The following DGKB variants were observed in gnomAD, a reference collection of about 807,000 sequenced individuals.
DGKB encodes diacylglycerol kinase beta.
In DGKB, 67 loss-of-function variants were observed where a neutral mutation model predicts 114.3. That is an observed-to-expected ratio of 0.59 (90% confidence interval 0.48 to 0.72). The LOEUF (loss-of-function observed/expected upper bound fraction) is 0.72. Among genes scored for constraint, DGKB ranks in the 30% least tolerant of loss-of-function variants. The pLI is 0.00. For missense variants in DGKB, 907 were observed against 975.2 expected (o/e 0.93, Z 0.93); for synonymous variants, 398 against 323.1 (o/e 1.23, Z -2.49).
chr7:14,465,953 G>A lies in DGKB; in HGVS notation c.1835+12208C>T, dbSNP rs118122027. Among the ~76,000 whole-genome samples, 293 of 151,954 alleles carry A rather than the reference G, an allele frequency of 1.9e-3. 8 individuals carry two copies. In the East Asian group the frequency reaches 0.05, roughly 26 times the overall value. ...GACTTTCTGTGATGCATTATCCATC[G>A]GATTTGCATGAGTTGGAAGTAGACG... On this transcript the variant is annotated intron_variant, in intron 21 of 25. Coordinates refer to ENST00000402815, the MANE Select transcript of DGKB (RefSeq NM_001350709.2).
At chr7:14,654,968 A>G (rs1428931590) in intron 13 of DGKB, among the ~76,000 whole-genome samples, 1 of 151,904 alleles carries the variant, frequency 6.6e-6, no homozygotes, top group African/African-American at 2.4e-5. Flanking sequence ...CTCTGGTCTG[A>G]GCAAAGATTT....
At chr7:14,399,975 G>T (rs1282450791) in intron 21 of DGKB, among the ~76,000 whole-genome samples, 8 of 151,788 alleles carry the variant, frequency 5.3e-5, no homozygotes. Context: ...CATAAATTTT[G>T]ACGATAAGAA....
At chr7:14,163,866 G>A (rs1455383847) in intron 25 of DGKB, among the ~76,000 whole-genome samples, 2 of 151,984 alleles carry the variant, frequency 1.3e-5, no homozygotes, top group Non-Finnish European at 2.9e-5. Flanking sequence ...GCGGCGGCAG[G>A]TGCCTGTAAT....
At chr7:14,239,700 G>C (rs1395905527) in intron 23 of DGKB, among the ~76,000 whole-genome samples, 2 of 151,992 alleles carry the variant, frequency 1.3e-5, no homozygotes, top group Non-Finnish European at 2.9e-5. Context: ...CTTGATACCT[G>C]GTGTGGGTCA....
intron 2 of DGKB, among the ~76,000 whole-genome samples, chr7:14,783,990 G>C (rs901308881): frequency 1.3e-5 from 2 of 152,156 alleles, no homozygotes; most frequent in Non-Finnish European, 2.9e-5. Flanking sequence ...GGTTTACAAA[G>C]AATTACAAGA....
In DGKB at chr7:14,769,276, A is replaced by AAGAAAG. The variant is rs1230676932; in HGVS notation, c.71-11551_71-11546dup. ...AAAGAAAGAAAGAAAGAAAGAAAGA[A>AAGAAAG]AGAAAGATTTTGTAAAGGAGTTTAG... On this transcript the variant is annotated intron_variant, in intron 2 of 25. Transcript: ENST00000402815. Among the ~76,000 whole-genome samples, 43 of 74,300 alleles carry AAGAAAG rather than the reference A, an allele frequency of 5.8e-4. 2 individuals are homozygous for AAGAAAG. Among genetic ancestry groups the AAGAAAG allele is most frequent in the African/African-American group, 4.9e-3 (39 of 7,918 alleles). 48.7% of individuals were successfully genotyped at this position (74,300 alleles called of 152,430 possible). A position where few individuals can be genotyped will look rare whatever the true frequency, so the allele number is the denominator to read the frequency against.
chr7:14,358,275 G>C (rs1004697121), intron 21 of DGKB, among the ~76,000 whole-genome samples: 2 of 152,128 alleles, frequency 1.3e-5, no homozygotes, highest in Non-Finnish European at 1.5e-5. Context: ...ATATTTCTTG[G>C]AGGCTTTGTT....
chr7:14,927,320 T>C (rs1011961129), intron 1 of DGKB, among the ~76,000 whole-genome samples: 4 of 152,072 alleles, frequency 2.6e-5, no homozygotes, highest in African/African-American at 9.7e-5. Flanking sequence ...ATTAATTTTA[T>C]TTCCAGTTCA....
At chr7:14,506,868 G>C (rs769852490) in intron 20 of DGKB, among the ~76,000 whole-genome samples, 2 of 152,180 alleles carry the variant, frequency 1.3e-5, no homozygotes, top group African/African-American at 4.8e-5. Flanking sequence ...GCTCTGGCCA[G>C]TGGATTGTAA....
intron 23 of DGKB, among the ~76,000 whole-genome samples, chr7:14,206,568 A>G (rs1786854597): frequency 6.6e-6 from 1 of 152,052 alleles, no homozygotes; most frequent in South Asian, 2.1e-4. Context: ...ATCATGTTAA[A>G]GAGTTTGAAC....
chr7:14,831,424 G>T (rs532572248), intron 2 of DGKB, among the ~76,000 whole-genome samples: 2 of 151,900 alleles, frequency 1.3e-5, no homozygotes, highest in East Asian at 3.9e-4. Flanking sequence ...TTTTGTAGTG[G>T]ACAACCTTGG....
At chr7:14,181,380 C>T (rs1782615637) in intron 23 of DGKB, among the ~76,000 whole-genome samples, 1 of 152,120 alleles carries the variant, frequency 6.6e-6, no homozygotes, top group East Asian at 1.9e-4. Context: ...CATAATGTTC[C>T]AGCATTAATT....
intron 22 of DGKB, among the ~76,000 whole-genome samples, chr7:14,341,463 T>C (rs1419207292): frequency 6.6e-6 from 1 of 151,824 alleles, no homozygotes; most frequent in African/African-American, 2.4e-5. Context: ...TTTATGACTT[T>C]TAAAAAGGTA....
chr7:14,193,722 T>C (rs1784628399), intron 23 of DGKB, among the ~76,000 whole-genome samples: 1 of 152,050 alleles, frequency 6.6e-6, no homozygotes, highest in African/African-American at 2.4e-5. Context: ...AAAAAGCTTT[T>C]GAAGAGGAAA....
At chr7:14,665,782 T>A (rs1817919194) in intron 13 of DGKB, among the ~76,000 whole-genome samples, 1 of 152,024 alleles carries the variant, frequency 6.6e-6, no homozygotes, top group African/African-American at 2.4e-5. Flanking sequence ...AAAGAGCCAC[T>A]TTACCTCATC....
intron 4 of DGKB, among the ~76,000 whole-genome samples, chr7:14,747,661 G>A (rs1470531633): frequency 1.3e-5 from 2 of 152,006 alleles, no homozygotes; most frequent in Non-Finnish European, 2.9e-5. Flanking sequence ...CCTTTAAATA[G>A]AATGAGATCA....
intron 1 of DGKB, among the ~76,000 whole-genome samples, chr7:14,850,168 G>A (rs1439388293): frequency 6.6e-6 from 1 of 152,192 alleles, no homozygotes; most frequent in Non-Finnish European, 1.5e-5. Context: ...GTGGCCACTG[G>A]TGACTTTAGC....
Position 14,277,180 on chromosome 7 carries a change from A to ATT in DGKB, c.2122+61333_2122+61334dup, listed in dbSNP as rs55786502. Among the ~76,000 whole-genome samples the ATT allele has an allele frequency of 8.6e-5, 13 of 151,210 alleles. No individual in the cohort carries two copies. The South Asian group carries it at 1.5e-3, about 17-fold the overall frequency. ...CTTTTAAATTTTCTTAGTTTATTTT[A>ATT]TTTTTTTTGAGACAGAGTCTCACTC... is the stretch of plus-strand genomic sequence containing the variant. On this transcript the variant is annotated intron_variant, in intron 23 of 25. Transcript: ENST00000402815.
chr7:14,482,375 T>C (rs553642812), intron 20 of DGKB, among the ~76,000 whole-genome samples: 1 of 152,192 alleles, frequency 6.6e-6, no homozygotes, highest in Admixed American at 6.5e-5. Flanking sequence ...ATTTTTGCTT[T>C]GGTATTCAGA....
Sources: allele counts gnomAD v4.1 joint callset (sites outside exome capture counted in the v4.1 genomes callset), GRCh38; gene constraint gnomAD v4.1.1; transcripts MANE v1.5; gene names NCBI Gene and HGNC (gene_info 2026-07-23, HGNC 2026-07-21).